Variants in XYLT1 observed in about 807,000 individuals in gnomAD.
XYLT1 encodes xylosyltransferase 1, also known as beta-D-xylosyltransferase 1.
XYLT1 carries 36 observed loss-of-function variants against 91.3 expected under a neutral mutation model. The observed-to-expected ratio is 0.39, with a 90% confidence interval of 0.30 to 0.52. XYLT1 has a LOEUF of 0.52. XYLT1 is among the 20% of genes least tolerant of loss of function. The pLI is 0.68. For missense variants in XYLT1, 1,242 were observed against 1,284.5 expected, an observed-to-expected ratio of 0.97 and a Z score of 0.51; for synonymous variants, 588 against 532.0, an observed-to-expected ratio of 1.11 and a Z score of -1.45.
intron 1 of XYLT1, among the ~76,000 whole-genome samples, chr16:17,436,424 G>C (rs2036459973): frequency 6.6e-6 from 1 of 152,186 alleles, no homozygotes. Flanking sequence ...TTGCTTTCAG[G>C]AGTTTGCTGT....
chr16:17,371,838 G>C (rs2035536765), intron 1 of XYLT1, among the ~76,000 whole-genome samples: 1 of 152,166 alleles, frequency 6.6e-6, no homozygotes, highest in Non-Finnish European at 1.5e-5. Flanking sequence ...GAAAGAAAGA[G>C]AGAGTGTATG....
chr16:17,161,671 T>TCC (rs1555484011), intron 5 of XYLT1, among the ~76,000 whole-genome samples: 1 of 94,296 alleles, frequency 1.1e-5, no homozygotes, highest in Non-Finnish European at 2.6e-5. Context: ...TTCCAGTTTC[T>TCC]CGCGCGCTCT....
chr16:17,269,643 G>C (rs2033857047), intron 2 of XYLT1, among the ~76,000 whole-genome samples: 1 of 152,240 alleles, frequency 6.6e-6, no homozygotes, highest in Admixed American at 6.5e-5. Flanking sequence ...CTGTAAGAGA[G>C]CAGGAGCCAC....
At chr16:17,132,649 T>A (rs1409730822) in intron 9 of XYLT1, among the ~76,000 whole-genome samples, 1 of 152,212 alleles carries the variant, frequency 6.6e-6, no homozygotes, top group Non-Finnish European at 1.5e-5. Context: ...ATGCCTGTAA[T>A]CTCAGCACTT....
At chr16:17,469,101 C>T (rs1159334401) in intron 1 of XYLT1, among the ~76,000 whole-genome samples, 1 of 152,228 alleles carries the variant, frequency 6.6e-6, no homozygotes, top group Non-Finnish European at 1.5e-5. Context: ...GCCATCACAT[C>T]ACGTCTTGGG....
chr16:17,176,834 C>CT (rs67345327), intron 5 of XYLT1, among the ~76,000 whole-genome samples: 3,980 of 147,400 alleles, frequency 0.027, 75 homozygotes, highest in South Asian at 0.058. Flanking sequence ...CAGTCCTCTA[C>CT]TTTTTTTTTT....
chr16:17,433,156 C>A (rs1369468418), intron 1 of XYLT1, among the ~76,000 whole-genome samples: 2 of 152,102 alleles, frequency 1.3e-5, no homozygotes, highest in Non-Finnish European at 2.9e-5. Flanking sequence ...AGTGGAGAGC[C>A]AAATTCACCT....
intron 1 of XYLT1, among the ~76,000 whole-genome samples, chr16:17,436,881 A>T (rs1045764101): frequency 6.6e-6 from 1 of 152,228 alleles, no homozygotes; most frequent in Non-Finnish European, 1.5e-5. Flanking sequence ...AGAAGTGAAG[A>T]CTTATTCCAT....
At chr16:17,115,077 A>G (rs112930760) in intron 11 of XYLT1, among the ~76,000 whole-genome samples, 8,500 of 151,982 alleles carry the variant, frequency 0.056, 782 homozygotes, top group African/African-American at 0.19. Context: ...ATCTCCTGAC[A>G]TCGTGATCCA....
intron 7 of XYLT1, among the ~76,000 whole-genome samples, chr16:17,139,660 T>C (rs2030902331): frequency 6.6e-6 from 1 of 152,120 alleles, no homozygotes; most frequent in African/African-American, 2.4e-5. Flanking sequence ...GCATACATTC[T>C]CCAACAAGCA....
At chr16:17,200,682 G>A (rs1395758278) in intron 3 of XYLT1, 28 bp from the exon 4 acceptor site, 4 of 1,600,282 alleles carry the variant, frequency 2.5e-6, no homozygotes, top group Non-Finnish European at 3.4e-6. Context: ...GAACAGAGAG[G>A]AGAAAGTGAG....
chr16:17,171,819 C>G lies in XYLT1; in HGVS notation c.1290-12910G>C, dbSNP rs760809938. ...TCCACCCCTATATTGGGTAAAATTT[C>G]AATTGTGCAAAAATGGTTTAGTAGC... On this transcript the variant is annotated intron_variant, in intron 5 of 11. Transcript: ENST00000261381. 3.9e-5 allele frequency among the ~76,000 whole-genome samples: 6 copies of G among 152,194 alleles called. No homozygotes were observed. The South Asian group carries it at 1.0e-3, about 26-fold the overall frequency.
intron 1 of XYLT1, among the ~76,000 whole-genome samples, chr16:17,399,719 T>A (rs977697058): frequency 5.9e-5 from 9 of 152,176 alleles, no homozygotes; most frequent in Non-Finnish European, 1.3e-4. Context: ...AGCGGTGTCA[T>A]CCCCATGGCA....
In XYLT1 at chr16:17,312,795, C is replaced by T. The variant is rs2034570048; in HGVS notation, c.402+45217G>A. 6.6e-6 allele frequency among the ~76,000 whole-genome samples: 1 copy of T among 152,222 alleles called. No individual in the cohort carries two copies. The highest frequency in any genetic ancestry group is 2.1e-4 in the South Asian group (1 of 4,836). Reference sequence around the variant, plus strand: ...GTGACTTGTCCAAGGAGCTCGAATTCAGGGAATCTAGCTCTAAGCTACTAT... The same window carrying T: ...GTGACTTGTCCAAGGAGCTCGAATTTAGGGAATCTAGCTCTAAGCTACTAT... On this transcript the variant is annotated intron_variant, in intron 2 of 11. Coordinates refer to ENST00000261381, the MANE Select transcript of XYLT1 (RefSeq NM_022166.4). The surrounding 1 kb of genome is among the most constrained non-coding windows in gnomAD (Gnocchi z 4.4).
At chr16:17,303,828 A>C (rs2034432705) in intron 2 of XYLT1, among the ~76,000 whole-genome samples, 1 of 152,198 alleles carries the variant, frequency 6.6e-6, no homozygotes, top group Admixed American at 6.6e-5. Flanking sequence ...TTTCAGATGA[A>C]GATTTTTTTT....
rs374539382 is a variant in XYLT1, at chr16:17,387,673, C to T, written c.364-29623G>A. 3.7e-3 allele frequency among the ~76,000 whole-genome samples: 561 copies of T among 152,288 alleles called. 1 individual carries two copies. Among genetic ancestry groups the T allele is most frequent in the Non-Finnish European group, 6.3e-3 (431 of 68,034 alleles). ...TACCCCCTCCCTGGACTCTCCCACC[C>T]CCATGCATCTCTAACCAATAATACC... is the stretch of plus-strand genomic sequence containing the variant. On this transcript the variant is annotated intron_variant, in intron 1 of 11. Transcript: ENST00000261381.
At chr16:17,269,604 C>T (rs1282622941) in intron 2 of XYLT1, among the ~76,000 whole-genome samples, 1 of 152,128 alleles carries the variant, frequency 6.6e-6, no homozygotes, top group Non-Finnish European at 1.5e-5. Flanking sequence ...CCAGCTAACA[C>T]CTCTAGACAG....
In XYLT1 at chr16:17,338,310, C is replaced by T. The variant is rs920787038; in HGVS notation, c.402+19702G>A. The T allele has an allele frequency of 1.5e-5, 7 of 456,386 alleles. No individual in the cohort carries two copies. In the Middle Eastern group the frequency reaches 9.7e-4, roughly 63 times the overall value. 28.3% of individuals were successfully genotyped at this position (456,386 alleles called of 1,614,324 possible). ...CTTCAGTGGCTCCCCATTACCTACA[C>T]GATACATCTGAAGCTCCCTGATGTG... On this transcript the variant is annotated intron_variant, in intron 2 of 11. Coordinates refer to ENST00000261381, the MANE Select transcript of XYLT1 (RefSeq NM_022166.4).
rs957135806 is a variant in XYLT1 at position 17,357,191 on chromosome 16, A to C, written c.402+821T>G. 1.6e-4 allele frequency among the ~76,000 whole-genome samples: 23 copies of C among 147,016 alleles called. 1 individual carries two copies. Among genetic ancestry groups the C allele is most frequent in the African/African-American group, 5.8e-4 (22 of 38,074 alleles). ...CGGTCTCAAAAAAAAAAAAAAAAAAAAAAAAAAACGCTACCACTCACAAGC... is the reference window on the plus strand; with the variant it reads ...CGGTCTCAAAAAAAAAAAAAAAAAACAAAAAAAACGCTACCACTCACAAGC... On this transcript the variant is annotated intron_variant, in intron 2 of 11. Coordinates refer to ENST00000261381, the MANE Select transcript of XYLT1 (RefSeq NM_022166.4).
Sources: allele counts gnomAD v4.1 joint callset (sites outside exome capture counted in the v4.1 genomes callset), GRCh38; gene constraint gnomAD v4.1.1; non-coding constraint Gnocchi (gnomAD v3.1); transcripts MANE v1.5; gene names NCBI Gene and HGNC (gene_info 2026-07-23, HGNC 2026-07-21).